Variants in WWP1 observed in about 807,000 individuals in gnomAD.
WWP1 encodes WW domain containing E3 ubiquitin protein ligase 1, also known as NEDD4-like E3 ubiquitin-protein ligase WWP1.
A neutral mutation model predicts 130.6 loss-of-function variants in WWP1; 49 were observed. The observed-to-expected ratio is 0.38, with a 90% CI of 0.30 to 0.48. The LOEUF is 0.48. WWP1 is among the 20% of genes least tolerant of loss of function. WWP1 has a pLI of 0.99. For missense variants in WWP1, 809 were observed against 1,100.6 expected, an observed-to-expected ratio of 0.74 and a Z score of 3.75; for synonymous variants, 332 against 367.8, an observed-to-expected ratio of 0.90 and a Z score of 1.11.
chr8:86,368,376 T>A (rs1824093439), intron 1 of WWP1, among the ~76,000 whole-genome samples: 1 of 152,142 alleles, frequency 6.6e-6, no homozygotes, highest in South Asian at 2.1e-4. Context: ...ACTCAGACAA[T>A]GAAGTGGGAA....
intron 20 of WWP1, among the ~76,000 whole-genome samples, chr8:86,449,607 C>T (rs1253825544): frequency 6.6e-6 from 1 of 152,184 alleles, no homozygotes; most frequent in East Asian, 1.9e-4. Context: ...CGTAATTTGC[C>T]AGCACGTGAA....
chr8:86,427,911 C>T lies in WWP1; in HGVS notation c.1332+94C>T, dbSNP rs1381274939. ...CTATCCCTTGACCATAATCACATAT[C>T]TATTTTGGTGATTTTCAGAAATGGT... On this transcript the variant is annotated intron_variant, in intron 11 of 24. Transcript: ENST00000517970. The T allele has an allele frequency of 3.1e-6, 4 of 1,279,306 alleles. No individual in the cohort carries two copies. In the African/African-American group the frequency reaches 6.1e-5, roughly 19 times the overall value. The allele number at this position is 1,279,306 out of a possible 1,614,324, so 79.2% of individuals were successfully genotyped here. A position where few individuals can be genotyped will look rare whatever the true frequency, so the allele number is the denominator to read the frequency against.
chr8:86,437,790 A>G (rs1293488275), intron 16 of WWP1, among the ~76,000 whole-genome samples: 3 of 152,178 alleles, frequency 2.0e-5, no homozygotes, highest in Non-Finnish European at 4.4e-5. Flanking sequence ...TGTATAATAT[A>G]TGTATTATAT....
intron 24 of WWP1, among the ~76,000 whole-genome samples, chr8:86,465,208 A>G (rs1401366001): frequency 6.6e-6 from 1 of 152,216 alleles, no homozygotes; most frequent in African/African-American, 2.4e-5. Context: ...GACAGCAAAG[A>G]GCATAAGCTT....
At chr8:86,390,354 T>G (rs1240017215) in intron 5 of WWP1, among the ~76,000 whole-genome samples, 3 of 150,160 alleles carry the variant, frequency 2.0e-5, no homozygotes, top group Admixed American at 6.6e-5. Context: ...GGCTGGGAGG[T>G]GGAGGTTGTA....
chr8:86,347,044 C>G (rs1822624482), intron 1 of WWP1, among the ~76,000 whole-genome samples: 1 of 151,960 alleles, frequency 6.6e-6, no homozygotes, highest in African/African-American at 2.4e-5. Flanking sequence ...GGGTCTTGCT[C>G]TGTTGCCCAG....
In WWP1 at chr8:86,452,688, C is replaced by G. The variant is rs766526469; in HGVS notation, c.2394+9C>G. 1 of 1,611,660 alleles carries G rather than the reference C, an allele frequency of 6.2e-7. No individual in the cohort carries two copies. ...ATGAAAAAGAATTAGAGGTTAGGCC[C>G]TTTTATTATGCTATTGTAGGGAATG... On this transcript the variant is annotated intron_variant, in intron 21 of 24. Coordinates refer to ENST00000517970, the MANE Select transcript of WWP1 (RefSeq NM_007013.4).
At chr8:86,397,796 T>C (rs1402245711) in intron 5 of WWP1, among the ~76,000 whole-genome samples, 1 of 152,226 alleles carries the variant, frequency 6.6e-6, no homozygotes, top group Non-Finnish European at 1.5e-5. Context: ...TGTCACAATA[T>C]GTAGCATTTA....
At chr8:86,405,497 G>T (rs1194194079) in intron 8 of WWP1, among the ~76,000 whole-genome samples, 1 of 151,948 alleles carries the variant, frequency 6.6e-6, no homozygotes, top group African/African-American at 2.4e-5. Flanking sequence ...CCTCCTCCAG[G>T]CATAGTGTAA....
At chr8:86,453,032 G>C (rs891590071) in intron 21 of WWP1, among the ~76,000 whole-genome samples, 2 of 152,070 alleles carry the variant, frequency 1.3e-5, no homozygotes, top group African/African-American at 4.8e-5. Context: ...ACTGTATTTA[G>C]ACTTGTTAGA....
chr8:86,454,876 T>C (rs116233430), intron 21 of WWP1, among the ~76,000 whole-genome samples: 51 of 152,194 alleles, frequency 3.4e-4, no homozygotes, highest in African/African-American at 1.2e-3. Flanking sequence ...CCTGAGCTAA[T>C]CAGTTAAGAG....
intron 9 of WWP1, among the ~76,000 whole-genome samples, chr8:86,419,518 CAAAG>C (rs1809077734): frequency 6.6e-6 from 1 of 152,108 alleles, no homozygotes; most frequent in Non-Finnish European, 1.5e-5. Flanking sequence ...ATGGAATACT[CAAAG>C]GACTAAAAAA....
intron 5 of WWP1, among the ~76,000 whole-genome samples, chr8:86,389,543 T>TA (rs1305132494): frequency 6.6e-6 from 1 of 152,210 alleles, no homozygotes; most frequent in Non-Finnish European, 1.5e-5. Context: ...TGGAGTCTCT[T>TA]ATGTCTACTT....
intron 1 of WWP1, among the ~76,000 whole-genome samples, chr8:86,349,967 T>G (rs1397084743): frequency 6.6e-6 from 1 of 152,028 alleles, no homozygotes; most frequent in Non-Finnish European, 1.5e-5. Flanking sequence ...ACTCTGGCCT[T>G]GACCAGAGTG....
chr8:86,385,427 C>G (rs1485930791), intron 5 of WWP1, among the ~76,000 whole-genome samples: 2 of 151,996 alleles, frequency 1.3e-5, no homozygotes, highest in Admixed American at 1.3e-4. Flanking sequence ...GACAATCTAG[C>G]TCTTCAGGAA....
At chr8:86,448,941 C>A (rs1233217606) in intron 20 of WWP1, among the ~76,000 whole-genome samples, 1 of 152,148 alleles carries the variant, frequency 6.6e-6, no homozygotes, top group Admixed American at 6.5e-5. Context: ...TCAAGCAATT[C>A]TGCCTTAGTC....
chr8:86,452,296 TTC>T (rs534084132), intron 20 of WWP1, among the ~76,000 whole-genome samples: 424 of 152,340 alleles, frequency 2.8e-3, no homozygotes, highest in African/African-American at 9.6e-3. Flanking sequence ...CCTATTTATT[TTC>T]TTTCTTTTTT....
chr8:86,389,446 CAT>C (rs916718864), intron 5 of WWP1, among the ~76,000 whole-genome samples: 5 of 152,198 alleles, frequency 3.3e-5, no homozygotes, highest in African/African-American at 9.7e-5. Flanking sequence ...GGATACAGCA[CAT>C]GTTTCAGAGA....
chr8:86,457,481 G>A (rs1346098170), intron 21 of WWP1, among the ~76,000 whole-genome samples: 4 of 151,442 alleles, frequency 2.6e-5, no homozygotes, highest in African/African-American at 9.7e-5. Context: ...ATATATAGAT[G>A]TGTATGTGTG....
Sources: gnomAD v4.1 joint callset for allele counts (sites outside exome capture counted in the v4.1 genomes callset) on GRCh38, gnomAD v4.1.1 for gene constraint, MANE v1.5 for transcripts, NCBI Gene and HGNC (gene_info 2026-07-23, HGNC 2026-07-21) for gene names.